Variants in LRRC37A2 observed in about 807,000 individuals in gnomAD.
LRRC37A2 encodes leucine rich repeat containing 37 member A2.
Under a neutral mutation model 68.8 loss-of-function variants are expected in LRRC37A2, and 9 were observed. The observed-to-expected ratio is 0.13, with a 90% confidence interval of 0.08 to 0.23. LRRC37A2 has a LOEUF of 0.23. Ranked by LOEUF, LRRC37A2 falls within the 10% of genes least tolerant of loss-of-function variation. The pLI is 1.00. For synonymous variants in LRRC37A2, 63 were observed against 367.6 expected, an observed-to-expected ratio of 0.17 and a Z score of 9.48; for missense variants, 168 against 950.4, an observed-to-expected ratio of 0.18 and a Z score of 10.82.
chr17:46,876,975 G>A, the LRRC37A2 span: 6 of 1,293,036 alleles, frequency 4.6e-6, no homozygotes, highest in Admixed American at 1.1e-4. Flanking sequence ...GAGGAGGGCA[G>A]AGTGAGAAAG....
At chr17:46,794,637 G>A in the LRRC37A2 span, among the ~76,000 whole-genome samples, 4 of 152,034 alleles carry the variant, frequency 2.6e-5, no homozygotes, top group Admixed American at 2.6e-4. Context: ...TCAAACTTTC[G>A]ACAGTCCTAT....
chr17:47,038,547 T>A, the LRRC37A2 span, among the ~76,000 whole-genome samples: 1 of 150,782 alleles, frequency 6.6e-6, no homozygotes, highest in Non-Finnish European at 1.5e-5. Context: ...AATTCCAACT[T>A]TGTTTCAATG....
At chr17:46,722,305 G>A in the LRRC37A2 span, 6 of 740,974 alleles carry the variant, frequency 8.1e-6, no homozygotes, top group Non-Finnish European at 1.2e-5. Flanking sequence ...CTTACCTCCA[G>A]CCTCAGTCCT....
the LRRC37A2 span, among the ~76,000 whole-genome samples, chr17:46,779,103 A>ACACACACACACACACACACACACACACC: frequency 3.0e-5 from 4 of 133,588 alleles, no homozygotes; most frequent in East Asian, 5.1e-4. Flanking sequence ...ACACACACAC[A>ACACACACACACACACACACACACACACC]CCCCAGCCCA....
At chr17:46,894,791 T>C in the LRRC37A2 span, among the ~76,000 whole-genome samples, 1 of 152,198 alleles carries the variant, frequency 6.6e-6, no homozygotes, top group African/African-American at 2.4e-5. Context: ...CCCGCTCTGA[T>C]AAAAGCGATA....
the LRRC37A2 span, among the ~76,000 whole-genome samples, chr17:46,915,649 T>A: frequency 6.6e-6 from 1 of 152,328 alleles, no homozygotes; most frequent in East Asian, 1.9e-4. Flanking sequence ...TGAGTGCTCT[T>A]CTTGAAATAT....
the LRRC37A2 span, among the ~76,000 whole-genome samples, chr17:46,844,320 T>C: frequency 6.7e-6 from 1 of 149,620 alleles, no homozygotes; most frequent in African/African-American, 2.5e-5. Context: ...TTTTTTTTTT[T>C]TTTTTGATAA....
chr17:46,828,207 C>A, the LRRC37A2 span, among the ~76,000 whole-genome samples: 8 of 151,464 alleles, frequency 5.3e-5, 1 homozygote, highest in South Asian at 1.7e-3. Flanking sequence ...TTTCTTTTCT[C>A]TTTTTTTGAG....
At chr17:47,014,408 A>T in the LRRC37A2 span, among the ~76,000 whole-genome samples, 1 of 151,834 alleles carries the variant, frequency 6.6e-6, no homozygotes, top group East Asian at 1.9e-4. Flanking sequence ...AAAAAAAAAA[A>T]GAAAAAAGAA....
At chr17:47,005,433 G>A in the LRRC37A2 span, among the ~76,000 whole-genome samples, 1 of 151,818 alleles carries the variant, frequency 6.6e-6, no homozygotes, top group African/African-American at 2.4e-5. Context: ...GTAAAAGGAA[G>A]GCAGTGATAG....
chr17:46,774,016 G>A, the LRRC37A2 span: 1 of 1,471,322 alleles, frequency 6.8e-7, no homozygotes. Context: ...GAGGCAGAGG[G>A]CCTGTGCCCT....
chr17:46,978,927 G>T, the LRRC37A2 span: 1 of 1,460,970 alleles, frequency 6.8e-7, no homozygotes, highest in Admixed American at 2.7e-5. Context: ...CGTGGGTGCG[G>T]TTTCCCAGGG....
the LRRC37A2 span, among the ~76,000 whole-genome samples, chr17:46,724,425 A>G: frequency 3.9e-5 from 6 of 152,198 alleles, no homozygotes; most frequent in African/African-American, 7.2e-5. Flanking sequence ...CCCGCCTTAC[A>G]TCTGATTCCA....
chr17:46,846,996 C>T, the LRRC37A2 span, among the ~76,000 whole-genome samples: 14 of 152,234 alleles, frequency 9.2e-5, no homozygotes, highest in Non-Finnish European at 1.8e-4. Context: ...GCTTAAAGTT[C>T]CACCATTGGA....
At chr17:46,741,093 A>AGGGG in the LRRC37A2 span, among the ~76,000 whole-genome samples, 14 of 152,224 alleles carry the variant, frequency 9.2e-5, no homozygotes, top group Admixed American at 3.3e-4. Flanking sequence ...AACAGTAGAC[A>AGGGG]GCAAAGCATA....
chr17:46,767,397 C>G, the LRRC37A2 span, among the ~76,000 whole-genome samples: 3 of 152,186 alleles, frequency 2.0e-5, no homozygotes, highest in Non-Finnish European at 4.4e-5. Flanking sequence ...TCCCCCCACC[C>G]ACCTCCCTGA....
At chr17:46,817,585 C>A in the LRRC37A2 span, among the ~76,000 whole-genome samples, 3 of 152,084 alleles carry the variant, frequency 2.0e-5, no homozygotes, top group Admixed American at 1.3e-4. Context: ...GGAGCTGGGG[C>A]TCCCAAAGCG....
the LRRC37A2 span, among the ~76,000 whole-genome samples, chr17:46,972,795 C>T: frequency 1.1e-4 from 17 of 152,194 alleles, no homozygotes; most frequent in African/African-American, 3.9e-4. Context: ...TGTGGACGAG[C>T]GTCTCTGCAG....
chr17:46,678,532 C>T, the LRRC37A2 span, among the ~76,000 whole-genome samples: 1 of 149,944 alleles, frequency 6.7e-6, no homozygotes, highest in African/African-American at 2.5e-5. Context: ...AGGTCTGGTG[C>T]GTGTATTTAA....
Sources: gnomAD v4.1 joint callset for allele counts (sites outside exome capture counted in the v4.1 genomes callset) on GRCh38, gnomAD v4.1.1 for gene constraint, MANE v1.5 for transcripts, NCBI Gene and HGNC (gene_info 2026-07-23, HGNC 2026-07-21) for gene names.